MYH14: variants seen among roughly 807,000 people sequenced by gnomAD.
The protein encoded by MYH14 is myosin heavy chain 14, also known as myosin-14.
MYH14 carries 123 observed loss-of-function variants against 255.5 expected under a neutral mutation model. That is an observed-to-expected ratio of 0.48 (90% CI 0.42 to 0.56). MYH14 has a LOEUF of 0.56. Ranked by LOEUF, MYH14 falls within the 20% of genes least tolerant of loss-of-function variation. The probability of loss-of-function intolerance (pLI) is 0.00; values close to 1 mark genes in which losing one functional copy is unlikely to be tolerated. For synonymous variants in MYH14, 1,095 were observed against 1,161.2 expected (o/e 0.94, Z 1.16); for missense variants, 2,423 against 2,802.3 (o/e 0.86, Z 3.06).
chr19:50,292,243 C>A lies in MYH14; in HGVS notation c.5128-18C>A. 6.3e-7 allele frequency: 1 copy of A among 1,595,668 alleles called. No individual in the cohort carries two copies. Among genetic ancestry groups the A allele is most frequent in the Non-Finnish European group, 8.5e-7 (1 of 1,171,744 alleles). ...GTGTGGCCAGGCTGAGCCCATCTAC[C>A]TATTCCGTTCCACCCAGGCCCAGAT... On this transcript the variant is annotated intron_variant, in intron 36 of 42. Coordinates refer to ENST00000642316, the MANE Select transcript of MYH14 (RefSeq NM_001145809.2).
Position 50,280,048 on chromosome 19 carries a change from G to A in MYH14, c.4044G>A (p.Glu1348=), listed in dbSNP as rs1324636535. Residue 1348 remains glutamate (E), a synonymous_variant, in exon 31 of 43, where the codon GAG becomes GAA. Transcript: ENST00000642316. This position sits in a 1 kb window ranked among gnomAD's most constrained non-coding sequence, Gnocchi z 4.8. ...TCCCTTCCCTGCAGGCTGAACTGGAGAATGTGTCTGGGGCGCTGAACGAGG... is the reference window on the plus strand; with the variant it reads ...TCCCTTCCCTGCAGGCTGAACTGGAAAATGTGTCTGGGGCGCTGAACGAGG... ...EKLQRAQAEL[E]NVSGALNEAE... The A allele has an allele frequency of 3.7e-6, 6 of 1,608,852 alleles. No individual in the cohort carries two copies. The highest frequency in any genetic ancestry group is 5.1e-6 in the Non-Finnish European group (6 of 1,177,710).
rs990436869 is a variant in MYH14, at chr19:50,230,361, C to G, written c.875-164C>G. 1.4e-4 allele frequency among the ~76,000 whole-genome samples: 22 copies of G among 152,184 alleles called. No homozygotes were observed. The highest frequency in any genetic ancestry group is 6.5e-5 in the Admixed American group (1 of 15,282). On this transcript the variant is annotated intron_variant, in intron 8 of 42. Transcript: ENST00000642316. This position sits in a 1 kb window ranked among gnomAD's most constrained non-coding sequence, Gnocchi z 4.7. ...CACAAGTGCTTAAGTGACATGAGCA[C>G]GGCTGCTCTTCCAGTTAGTGGCAAA...
chr19:50,253,358 G>A (rs557968222), intron 16 of MYH14, among the ~76,000 whole-genome samples: 3 of 151,846 alleles, frequency 2.0e-5, no homozygotes, highest in Non-Finnish European at 2.9e-5. Context: ...CAGGAGAATC[G>A]CTTGAATCTG....
intron 36 of MYH14, 82 bp downstream of exon 36, chr19:50,291,130 TCGGACCC>T: frequency 3.6e-6 from 5 of 1,395,838 alleles, no homozygotes; most frequent in Non-Finnish European, 4.9e-6. Context: ...TAAGGCTAGC[TCGGACCC>T]CTCGCTCTCA....
intron 1 of MYH14, among the ~76,000 whole-genome samples, chr19:50,206,295 G>A (rs1405283635): frequency 6.6e-6 from 1 of 152,044 alleles, no homozygotes; most frequent in African/African-American, 2.4e-5. Flanking sequence ...GGAAGGAAAG[G>A]GCTGGGGGCT....
At chr19:50,224,243 A>G in intron 6 of MYH14, 66 bp downstream of exon 6, 1 of 1,610,428 alleles carries the variant, frequency 6.2e-7, no homozygotes, top group South Asian at 1.1e-5. Flanking sequence ...CCAATGCATG[A>G]TCTTCTTGGT....
Position 50,263,402 on chromosome 19 carries a change from G to C in MYH14, c.2676G>C (p.Trp892Cys). Residue 892 changes from tryptophan to cysteine, a missense_variant, in exon 22 of 43, where the codon TGG becomes TGC. Around this residue, in one of 3 missense-constraint regions of MYH14, gnomAD observed 1,513 missense variants for 1,674.8 expected, o/e 0.90. Coordinates refer to ENST00000642316, the MANE Select transcript of MYH14 (RefSeq NM_001145809.2). Reference protein sequence around the residue: ...AAYLKLRHWQWWRLFTKVKPL... With the variant: ...AAYLKLRHWQCWRLFTKVKPL... ...ACCTCAAGCTGAGACACTGGCAGTG[G>C]TGGCGGCTGTTTACCAAGGTGAGGG... 6.2e-7 allele frequency: 1 copy of C among 1,602,300 alleles called. No homozygotes were observed. The highest frequency in any genetic ancestry group is 8.5e-7 in the Non-Finnish European group (1 of 1,174,758).
chr19:50,274,142 G>A (rs996153312), intron 27 of MYH14, among the ~76,000 whole-genome samples: 2 of 152,084 alleles, frequency 1.3e-5, no homozygotes, highest in Non-Finnish European at 2.9e-5. Flanking sequence ...AATAAATGCC[G>A]GATGTTTCTG....
chr19:50,208,168 A>G (rs1296895554), intron 1 of MYH14, among the ~76,000 whole-genome samples: 1 of 152,120 alleles, frequency 6.6e-6, no homozygotes, highest in Non-Finnish European at 1.5e-5. Flanking sequence ...TAATCCCAGC[A>G]CTTTGGGAGG....
rs778780296 is a variant in MYH14, at chr19:50,276,918, G to C, written c.3825+17G>C. 6.4e-6 allele frequency: 10 copies of C among 1,574,740 alleles called. No homozygotes were observed. ...GCCCGGAGGGTGGGTTGGGGCAGGGGGACAGGGCAGGGGGGCCACGGGGAG... is the reference window on the plus strand; with the variant it reads ...GCCCGGAGGGTGGGTTGGGGCAGGGCGACAGGGCAGGGGGGCCACGGGGAG... On this transcript the variant is annotated intron_variant, in intron 29 of 42. Transcript: ENST00000642316. The surrounding 1 kb of genome is among the most constrained non-coding windows in gnomAD (Gnocchi z 4.3).
intron 2 of MYH14, among the ~76,000 whole-genome samples, chr19:50,215,377 A>G (rs1261973467): frequency 1.3e-5 from 2 of 152,208 alleles, no homozygotes; most frequent in African/African-American, 4.8e-5. Flanking sequence ...CAGGGAGGGC[A>G]GACACCCAGC....
At chr19:50,274,169 C>G (rs1420977174) in intron 27 of MYH14, among the ~76,000 whole-genome samples, 1 of 152,190 alleles carries the variant, frequency 6.6e-6, no homozygotes, top group East Asian at 1.9e-4. Flanking sequence ...CTTTATTACT[C>G]TTGTTAATTT....
intron 21 of MYH14, among the ~76,000 whole-genome samples, chr19:50,262,781 G>A (rs953287899): frequency 3.3e-5 from 5 of 152,102 alleles, no homozygotes; most frequent in African/African-American, 1.2e-4. Flanking sequence ...AACTGCGGCT[G>A]GGGCTTTGGG....
chr19:50,235,683 G>A (rs1332672655), intron 10 of MYH14, among the ~76,000 whole-genome samples: 1 of 152,050 alleles, frequency 6.6e-6, no homozygotes, highest in East Asian at 1.9e-4. Flanking sequence ...AGCTACTTGG[G>A]AGGCTGAGGT....
At chr19:50,261,771 T>A in intron 21 of MYH14, 136 bp downstream of exon 21, 1 of 737,000 alleles carries the variant, frequency 1.4e-6, no homozygotes, top group Non-Finnish European at 2.0e-6. Flanking sequence ...GTGCCGGGTG[T>A]CCAGGCTTCT....
intron 35 of MYH14, among the ~76,000 whole-genome samples, chr19:50,290,472 G>A: frequency 6.6e-6 from 1 of 152,216 alleles, no homozygotes; most frequent in East Asian, 1.9e-4. Context: ...GGGGTGGAGG[G>A]TGCTAGAAGC....
chr19:50,270,735 C>T (rs2123386140), intron 24 of MYH14, among the ~76,000 whole-genome samples: 1 of 151,544 alleles, frequency 6.6e-6, no homozygotes, highest in African/African-American at 2.4e-5. Flanking sequence ...CACTCTGTTG[C>T]CCAGGCTGGA....
intron 3 of MYH14, 70 bp from the exon 4 acceptor site, chr19:50,223,013 G>C: frequency 1.4e-6 from 2 of 1,436,278 alleles, no homozygotes; most frequent in Non-Finnish European, 2.0e-6. Flanking sequence ...GCAGCGGCCA[G>C]TGTAAGGGAC....
In MYH14 at chr19:50,267,017, G is replaced by A. The variant is rs758025898; in HGVS notation, c.2826+9G>A. The A allele has an allele frequency of 1.9e-6, 3 of 1,551,278 alleles. No individual in the cohort carries two copies. Among genetic ancestry groups the A allele is most frequent in the Non-Finnish European group, 2.6e-6 (3 of 1,148,510 alleles). ...AGGGCCGAGTGGCACAGGTGAGGGG[G>A]CGGGGGCAGGGCGTGGGGGCGTGTC... On this transcript the variant is annotated intron_variant, in intron 23 of 42. Coordinates refer to ENST00000642316, the MANE Select transcript of MYH14 (RefSeq NM_001145809.2).
Sources: gnomAD v4.1 joint callset for allele counts (sites outside exome capture counted in the v4.1 genomes callset) on GRCh38, gnomAD v4.1.1 for gene constraint, gnomAD v4.1.1 regional missense constraint, Gnocchi (gnomAD v3.1) non-coding constraint, MANE v1.5 for transcripts, NCBI Gene and HGNC (gene_info 2026-07-23, HGNC 2026-07-21) for gene names.